PTPRN2: variants seen among roughly 807,000 people sequenced by gnomAD.
The protein encoded by PTPRN2 is receptor-type tyrosine-protein phosphatase N2.
In PTPRN2, 74 loss-of-function variants were observed where a neutral mutation model predicts 118.8. That is an observed-to-expected ratio of 0.62 (90% CI 0.52 to 0.76). PTPRN2 has a LOEUF of 0.76. Among genes scored for constraint, PTPRN2 ranks in the 30% least tolerant of loss-of-function variants. PTPRN2 has a pLI of 0.00. For missense variants in PTPRN2, 1,481 were observed against 1,394.4 expected (o/e 1.06, Z -0.99); for synonymous variants, 641 against 608.0 (o/e 1.05, Z -0.80).
At chr7:158,149,346 C>G (rs188561566) in intron 6 of PTPRN2, among the ~76,000 whole-genome samples, 43 of 151,856 alleles carry the variant, frequency 2.8e-4, no homozygotes, top group Non-Finnish European at 5.7e-4. Flanking sequence ...TGGAAATTAA[C>G]AACTACATTG....
chr7:158,091,577 C>T (rs1038095004), intron 10 of PTPRN2, among the ~76,000 whole-genome samples: 10 of 147,922 alleles, frequency 6.8e-5, no homozygotes, highest in South Asian at 2.2e-4. Context: ...TAGATGGGTG[C>T]GTGAGGGATA....
At chr7:157,967,975 A>T (rs1311290048) in intron 11 of PTPRN2, among the ~76,000 whole-genome samples, 1 of 152,198 alleles carries the variant, frequency 6.6e-6, no homozygotes, top group East Asian at 1.9e-4. Context: ...ATCATTTGTT[A>T]GTAACATACC....
chr7:158,119,203 G>A (rs1816953852), intron 9 of PTPRN2, among the ~76,000 whole-genome samples: 1 of 152,066 alleles, frequency 6.6e-6, no homozygotes, highest in Non-Finnish European at 1.5e-5. Context: ...ATTTAAAAAT[G>A]GGCAAAGGAC....
At chr7:157,952,380 G>A (rs1207686301) in intron 11 of PTPRN2, among the ~76,000 whole-genome samples, 2 of 133,622 alleles carry the variant, frequency 1.5e-5, no homozygotes, top group African/African-American at 5.2e-5. Flanking sequence ...GGACAGGCAA[G>A]GGTGGGTAGT....
chr7:158,220,078 C>A (rs531377623), intron 3 of PTPRN2, among the ~76,000 whole-genome samples: 1 of 152,174 alleles, frequency 6.6e-6, no homozygotes, highest in Non-Finnish European at 1.5e-5. Context: ...TTAATAGATA[C>A]AGGAAGGGCT....
chr7:158,226,784 C>G (rs1008929992), intron 3 of PTPRN2, among the ~76,000 whole-genome samples: 3 of 151,476 alleles, frequency 2.0e-5, no homozygotes, highest in Non-Finnish European at 4.4e-5. Context: ...GGGAGCCTCT[C>G]ACGTATCACT....
intron 2 of PTPRN2, among the ~76,000 whole-genome samples, chr7:158,387,733 G>T (rs12698246): frequency 0.12 from 18,735 of 152,210 alleles, 1,674 homozygotes; most frequent in African/African-American, 0.25. Flanking sequence ...GAGCCAGGGC[G>T]AAGTTTCCTG....
intron 3 of PTPRN2, among the ~76,000 whole-genome samples, chr7:158,219,116 A>G (rs778590317): frequency 4.6e-5 from 7 of 152,122 alleles, no homozygotes; most frequent in Non-Finnish European, 1.0e-4. Flanking sequence ...AACAGAATAT[A>G]TATTCTTCTT....
chr7:157,791,180 C>T (rs1017649504), intron 12 of PTPRN2, among the ~76,000 whole-genome samples: 1 of 152,142 alleles, frequency 6.6e-6, no homozygotes, highest in Non-Finnish European at 1.5e-5. Context: ...CAAGCTCTCG[C>T]GGAGGGTATT....
intron 13 of PTPRN2, among the ~76,000 whole-genome samples, chr7:157,659,287 G>C (rs1192895664): frequency 1.4e-5 from 2 of 142,608 alleles, no homozygotes; most frequent in Non-Finnish European, 3.1e-5. Flanking sequence ...GCGGGGACTG[G>C]GAGGATGACT....
chr7:158,254,752 G>A lies in PTPRN2; in HGVS notation c.278-49479C>T, dbSNP rs117829333. 4.6e-4 allele frequency among the ~76,000 whole-genome samples: 70 copies of A among 152,346 alleles called. No homozygotes were observed. In the East Asian group the frequency reaches 8.7e-3, roughly 19 times the overall value. On this transcript the variant is annotated intron_variant, in intron 3 of 22. Coordinates refer to ENST00000389418, the MANE Select transcript of PTPRN2 (RefSeq NM_002847.5). Reference sequence around the variant, plus strand: ...AAAATGTACAGCCCTCCCTCTCTGCGTTCAGGAGCAGAGGGCATGAGTTTC... The same window carrying A: ...AAAATGTACAGCCCTCCCTCTCTGCATTCAGGAGCAGAGGGCATGAGTTTC...
intron 11 of PTPRN2, among the ~76,000 whole-genome samples, chr7:157,956,885 C>T (rs1288964172): frequency 6.6e-6 from 1 of 152,220 alleles, no homozygotes; most frequent in Non-Finnish European, 1.5e-5. Flanking sequence ...GTTTCAATTG[C>T]CACCAAGTAA....
chr7:158,326,947 T>G (rs1171185364), intron 2 of PTPRN2, among the ~76,000 whole-genome samples: 2 of 146,368 alleles, frequency 1.4e-5, no homozygotes, highest in African/African-American at 5.1e-5. Context: ...ATACACATTT[T>G]CACACATGCA....
Position 157,964,998 on chromosome 7 carries a change from G to A in PTPRN2, c.1724-66261C>T, listed in dbSNP as rs570279924. ...CACAGGGATCTGAGGCACAAGGCAG[G>A]GCTGTCCCAGGCAAACAGGGACACC... On this transcript the variant is annotated intron_variant, in intron 11 of 22. Transcript: ENST00000389418. This position sits in a 1 kb window ranked among gnomAD's most constrained non-coding sequence, Gnocchi z 9.0. Among the ~76,000 whole-genome samples, 396 of 152,274 alleles carry A rather than the reference G, an allele frequency of 2.6e-3. 1 individual carries two copies. Among genetic ancestry groups the A allele is most frequent in the Admixed American group, 4.8e-3 (74 of 15,300 alleles).
intron 16 of PTPRN2, 69 bp from the exon 17 acceptor site, chr7:157,595,384 G>C: frequency 7.0e-7 from 1 of 1,421,092 alleles, no homozygotes; most frequent in Non-Finnish European, 9.8e-7. Flanking sequence ...AGGAAGCCTG[G>C]AGGTTAGGAA....
intron 9 of PTPRN2, among the ~76,000 whole-genome samples, chr7:158,112,983 GC>G (rs565760798): frequency 1.3e-5 from 2 of 152,028 alleles, no homozygotes; most frequent in African/African-American, 4.8e-5. Context: ...ACGGAGCCTT[GC>G]CCCCCAGCAT....
rs980697749 is a variant in PTPRN2 at position 158,440,674 on chromosome 7, GGGT to G, written c.163+49058_163+49060del. On this transcript the variant is annotated intron_variant, in intron 2 of 22. Transcript: ENST00000389418. Reference sequence around the variant, plus strand: ...AGTGATGGTGGTAGTGATAGTGACAGGGTGGTGGTGGTGGTGATGGTGATAGGG... The same window carrying G: ...AGTGATGGTGGTAGTGATAGTGACAGGGTGGTGGTGGTGATGGTGATAGGG... 3.8e-4 allele frequency among the ~76,000 whole-genome samples: 56 copies of G among 146,724 alleles called. 1 individual carries two copies. Among genetic ancestry groups the G allele is most frequent in the East Asian group, 3.4e-3 (16 of 4,748 alleles).
intron 12 of PTPRN2, among the ~76,000 whole-genome samples, chr7:157,747,658 C>T (rs1490599227): frequency 7.9e-5 from 10 of 126,190 alleles, no homozygotes; most frequent in African/African-American, 1.2e-4. Context: ...CTGAGGCCTG[C>T]GTCCCTGAGC....
chr7:157,614,164 G>A (rs1241200728), intron 15 of PTPRN2: 1 of 462,650 alleles, frequency 2.2e-6, no homozygotes, highest in Non-Finnish European at 4.5e-6. Flanking sequence ...GGGGAGGACA[G>A]GGGAGGGCCA....
Sources: allele counts gnomAD v4.1 joint callset (sites outside exome capture counted in the v4.1 genomes callset), GRCh38; gene constraint gnomAD v4.1.1; non-coding constraint Gnocchi (gnomAD v3.1); transcripts MANE v1.5; gene names NCBI Gene and HGNC (gene_info 2026-07-23, HGNC 2026-07-21).